SYNDIG1: variants seen among roughly 807,000 people sequenced by gnomAD.
The protein encoded by SYNDIG1 is synapse differentiation-inducing gene protein 1.
A neutral mutation model predicts 19.4 loss-of-function variants in SYNDIG1; 9 were observed. The ratio of observed to expected loss-of-function variants is 0.46; its 90% CI spans 0.28 to 0.81. The LOEUF (loss-of-function observed/expected upper bound fraction) is 0.81. SYNDIG1 is among the 30% of genes least tolerant of loss of function. The probability of loss-of-function intolerance (pLI) is 0.12; values close to 1 mark genes in which losing one functional copy is unlikely to be tolerated. For missense variants in SYNDIG1, 311 were observed against 343.3 expected (o/e 0.91, Z 0.74); for synonymous variants, 141 against 145.9 (o/e 0.97, Z 0.24).
At chr20:24,636,880 A>G (rs185315292) in intron 3 of SYNDIG1, among the ~76,000 whole-genome samples, 1 of 152,362 alleles carries the variant, frequency 6.6e-6, no homozygotes, top group East Asian at 1.9e-4. Context: ...CTGCTATATC[A>G]TTATTATAAG....
chr20:24,659,847 A>T (rs1000080551), intron 3 of SYNDIG1, among the ~76,000 whole-genome samples: 1 of 152,236 alleles, frequency 6.6e-6, no homozygotes, highest in African/African-American at 2.4e-5. Context: ...GTTTTATAAA[A>T]TGAGTTTCTC....
At chr20:24,607,571 C>T (rs969538296) in intron 3 of SYNDIG1, among the ~76,000 whole-genome samples, 1 of 103,238 alleles carries the variant, frequency 9.7e-6, no homozygotes, top group African/African-American at 3.9e-5. Flanking sequence ...GACTTTTTCT[C>T]CTCAAGAGCG....
At chr20:24,574,704 A>G (rs1017781023) in intron 2 of SYNDIG1, among the ~76,000 whole-genome samples, 1 of 152,160 alleles carries the variant, frequency 6.6e-6, no homozygotes, top group African/African-American at 2.4e-5. Context: ...AGGAATATGG[A>G]AAACAAGTCC....
intron 3 of SYNDIG1, among the ~76,000 whole-genome samples, chr20:24,634,963 G>A (rs566049775): frequency 4.7e-4 from 72 of 152,326 alleles, no homozygotes; most frequent in African/African-American, 1.7e-3. Flanking sequence ...CTGCACTAGT[G>A]TCTCCCAGGC....
chr20:24,560,692 T>G (rs1281468737), intron 2 of SYNDIG1, among the ~76,000 whole-genome samples: 2 of 144,172 alleles, frequency 1.4e-5, no homozygotes, highest in Admixed American at 6.9e-5. Flanking sequence ...TTCTGTTGAC[T>G]ACTTTTTTTT....
chr20:24,506,412 C>T (rs967770592), intron 1 of SYNDIG1, among the ~76,000 whole-genome samples: 1 of 152,218 alleles, frequency 6.6e-6, no homozygotes, highest in Non-Finnish European at 1.5e-5. Context: ...GACAGAAATT[C>T]CCCCAAGCGC....
intron 1 of SYNDIG1, among the ~76,000 whole-genome samples, chr20:24,539,241 G>A (rs188231863): frequency 2.6e-5 from 4 of 152,224 alleles, no homozygotes; most frequent in East Asian, 3.9e-4. Flanking sequence ...TTTACATTTA[G>A]GTGATTGATT....
intron 3 of SYNDIG1, among the ~76,000 whole-genome samples, chr20:24,599,711 G>C (rs1312432830): frequency 6.6e-6 from 1 of 152,208 alleles, no homozygotes; most frequent in Admixed American, 6.5e-5. Flanking sequence ...AGATTATTAA[G>C]TGAAATAAGC....
In SYNDIG1 at chr20:24,500,518, CTTTCTTTCT is replaced by C. The variant is rs1568587992; in HGVS notation, c.-79+30768_-79+30776del. On this transcript the variant is annotated intron_variant, in intron 1 of 3. Coordinates refer to ENST00000376862, the MANE Select transcript of SYNDIG1 (RefSeq NM_024893.3). ...TCTTTCTTTCTTTCTTTCTTTCTTT[CTTTCTTTCT>C]TTCTTCTTTCTTTCTTTCTTTCTTT... is the stretch of plus-strand genomic sequence containing the variant. Among the ~76,000 whole-genome samples the C allele has an allele frequency of 5.4e-3, 608 of 113,602 alleles. 3 individuals carry two copies. Among genetic ancestry groups the C allele is most frequent in the Middle Eastern group, 0.024 (6 of 246 alleles). 74.5% of individuals were successfully genotyped at this position (113,602 alleles called of 152,430 possible).
intron 3 of SYNDIG1, among the ~76,000 whole-genome samples, chr20:24,608,123 T>C (rs949424289): frequency 2.0e-5 from 3 of 152,198 alleles, no homozygotes; most frequent in Non-Finnish European, 4.4e-5. Flanking sequence ...GATCTATCAA[T>C]GCTTTCTAGA....
chr20:24,580,231 C>T (rs1351377009), intron 2 of SYNDIG1, among the ~76,000 whole-genome samples: 3 of 152,174 alleles, frequency 2.0e-5, no homozygotes, highest in Admixed American at 6.5e-5. Context: ...TATTTCTCTG[C>T]TTGGCTTGTT....
chr20:24,636,059 C>T (rs1012312841), intron 3 of SYNDIG1, among the ~76,000 whole-genome samples: 1 of 152,156 alleles, frequency 6.6e-6, no homozygotes, highest in African/African-American at 2.4e-5. Flanking sequence ...TGCTTGTTCA[C>T]TGTTGTCTGG....
At chr20:24,647,663 C>T (rs1465238914) in intron 3 of SYNDIG1, among the ~76,000 whole-genome samples, 1 of 151,708 alleles carries the variant, frequency 6.6e-6, no homozygotes, top group East Asian at 1.9e-4. Context: ...AGAATAATCC[C>T]AGTTAAGAAG....
At chr20:24,601,672 C>T (rs1480539803) in intron 3 of SYNDIG1, among the ~76,000 whole-genome samples, 3 of 152,116 alleles carry the variant, frequency 2.0e-5, no homozygotes, top group Non-Finnish European at 4.4e-5. Flanking sequence ...GAAAGAAATA[C>T]TTCAAAATGA....
chr20:24,582,281 C>T (rs932342741), intron 2 of SYNDIG1, among the ~76,000 whole-genome samples: 3 of 111,350 alleles, frequency 2.7e-5, no homozygotes, highest in African/African-American at 3.6e-5. Context: ...TGCACGGTCT[C>T]CCCCCTTGAC....
intron 3 of SYNDIG1, among the ~76,000 whole-genome samples, chr20:24,632,418 T>C (rs35378778): frequency 0.17 from 25,634 of 151,954 alleles, 2,728 homozygotes; most frequent in East Asian, 0.47. Context: ...TTTTGTATTT[T>C]CAGTAGAGAT....
At chr20:24,648,035 A>G (rs1008320772) in intron 3 of SYNDIG1, among the ~76,000 whole-genome samples, 1 of 152,084 alleles carries the variant, frequency 6.6e-6, no homozygotes, top group East Asian at 1.9e-4. Flanking sequence ...TTCTGTTCTT[A>G]GAAGGGTACT....
intron 2 of SYNDIG1, among the ~76,000 whole-genome samples, chr20:24,559,910 T>C (rs1372259089): frequency 2.6e-5 from 4 of 152,050 alleles, no homozygotes; most frequent in Admixed American, 6.6e-5. Flanking sequence ...TCTCTGTTTT[T>C]CAATAATGTA....
chr20:24,576,349 A>C (rs2058227355), intron 2 of SYNDIG1, among the ~76,000 whole-genome samples: 1 of 152,242 alleles, frequency 6.6e-6, no homozygotes, highest in Non-Finnish European at 1.5e-5. Context: ...AGTGAAATAC[A>C]GTTGACATTT....
Sources: allele counts gnomAD v4.1 joint callset (sites outside exome capture counted in the v4.1 genomes callset), GRCh38; gene constraint gnomAD v4.1.1; transcripts MANE v1.5; gene names NCBI Gene and HGNC (gene_info 2026-07-23, HGNC 2026-07-21).